SNCAIP: variants seen among roughly 807,000 people sequenced by gnomAD.
The protein encoded by SNCAIP is synphilin-1.
A neutral mutation model predicts 86.7 loss-of-function variants in SNCAIP; 43 were observed. That is an observed-to-expected ratio of 0.50 (90% CI 0.39 to 0.64). The LOEUF (loss-of-function observed/expected upper bound fraction) is 0.64. Ranked by LOEUF, SNCAIP falls within the 30% of genes least tolerant of loss-of-function variation. The pLI is 0.00. For synonymous variants in SNCAIP, 417 were observed against 427.2 expected (o/e 0.98, Z 0.29); for missense variants, 981 against 1,103.1 (o/e 0.89, Z 1.57).
At chr5:122,362,110 G>A (rs1324567522) in intron 1 of SNCAIP, among the ~76,000 whole-genome samples, 1 of 152,174 alleles carries the variant, frequency 6.6e-6, no homozygotes, top group Non-Finnish European at 1.5e-5. Flanking sequence ...AATGAGAATA[G>A]TAATTAAAAC....
chr5:122,461,550 C>G (rs1223978846), intron 10 of SNCAIP, among the ~76,000 whole-genome samples: 1 of 151,924 alleles, frequency 6.6e-6, no homozygotes, highest in Non-Finnish European at 1.5e-5. Flanking sequence ...GTTTGAATCT[C>G]TAATATATCT....
intron 3 of SNCAIP, among the ~76,000 whole-genome samples, chr5:122,416,730 A>G (rs915315615): frequency 6.6e-6 from 1 of 152,206 alleles, no homozygotes; most frequent in Non-Finnish European, 1.5e-5. Context: ...TGGGTGCAGT[A>G]CAGACTTCAC....
chr5:122,430,513 A>G (rs1778200828), intron 5 of SNCAIP, among the ~76,000 whole-genome samples: 2 of 152,188 alleles, frequency 1.3e-5, no homozygotes, highest in South Asian at 4.1e-4. Context: ...TCGGATAGGT[A>G]AAGTAATTTG....
intron 1 of SNCAIP, among the ~76,000 whole-genome samples, chr5:122,324,984 T>G (rs983230534): frequency 4.6e-5 from 7 of 152,216 alleles, no homozygotes; most frequent in African/African-American, 1.7e-4. Flanking sequence ...ATTATGAGCA[T>G]GGGCTTGAAC....
intron 1 of SNCAIP, among the ~76,000 whole-genome samples, chr5:122,381,094 C>A (rs540094514): frequency 0.013 from 1,927 of 148,880 alleles, 20 homozygotes; most frequent in African/African-American, 0.046. Flanking sequence ...CCTGGGTATC[C>A]TTGTTGACTT....
Position 122,422,830 on chromosome 5 carries a change from C to T in SNCAIP, c.131-38C>T, listed in dbSNP as rs1279164508. 3.2e-6 allele frequency: 5 copies of T among 1,574,560 alleles called. No individual in the cohort carries two copies. In the East Asian group the frequency reaches 6.7e-5, roughly 21 times the overall value. ...CATAGCCAAGATGTGTTCAGCATTC[C>T]AGATTAATAGCTTTCTATTTTAATT... On this transcript the variant is annotated intron_variant, in intron 3 of 10. Coordinates refer to ENST00000261368, the MANE Select transcript of SNCAIP (RefSeq NM_005460.4).
chr5:122,313,811 A>T (rs1387149264), intron 1 of SNCAIP, among the ~76,000 whole-genome samples: 1 of 152,208 alleles, frequency 6.6e-6, no homozygotes, highest in East Asian at 1.9e-4. Context: ...TTAACTGAGG[A>T]TTACCCATAA....
intron 1 of SNCAIP, among the ~76,000 whole-genome samples, chr5:122,355,800 G>C (rs1044874963): frequency 6.6e-6 from 1 of 152,082 alleles, no homozygotes; most frequent in African/African-American, 2.4e-5. Flanking sequence ...ATGTGTACAT[G>C]CAGTGACAAC....
intron 5 of SNCAIP, among the ~76,000 whole-genome samples, chr5:122,427,118 C>T (rs1328989905): frequency 6.6e-6 from 1 of 152,136 alleles, no homozygotes; most frequent in Non-Finnish European, 1.5e-5. Context: ...AAATACAGTT[C>T]TCATTAGTCT....
At chr5:122,311,980 A>G (rs1422937225), upstream of SNCAIP, 1 of 148,174 alleles carries the variant, frequency 6.7e-6, no homozygotes, top group Non-Finnish European at 1.5e-5. Context: ...CGGCCCCGGC[A>G]GCCTCCGCAG....
chr5:122,382,080 T>C (rs1485373450), intron 1 of SNCAIP, among the ~76,000 whole-genome samples: 5 of 152,202 alleles, frequency 3.3e-5, no homozygotes, highest in South Asian at 2.1e-4. Flanking sequence ...TTAATTTGAA[T>C]GTTGGCCTTT....
chr5:122,442,666 T>C (rs2570979), intron 7 of SNCAIP, among the ~76,000 whole-genome samples: 15,932 of 152,244 alleles, frequency 0.1, 1,020 homozygotes, highest in Non-Finnish European at 0.14. Flanking sequence ...CACTCTAATA[T>C]TTAATAGTCT....
intron 3 of SNCAIP, among the ~76,000 whole-genome samples, chr5:122,420,949 C>T (rs1198544092): frequency 6.6e-6 from 1 of 152,238 alleles, no homozygotes; most frequent in African/African-American, 2.4e-5. Context: ...TGAAATTAAA[C>T]TGTAAATCCC....
At chr5:122,436,482 G>A (rs1779504039) in intron 6 of SNCAIP, 1 of 152,000 alleles carries the variant, frequency 6.6e-6, no homozygotes, top group Non-Finnish European at 1.5e-5. Context: ...AATTATTAAG[G>A]CCATAACCTA....
chr5:122,361,644 T>G (rs921370288), intron 1 of SNCAIP, among the ~76,000 whole-genome samples: 11 of 152,298 alleles, frequency 7.2e-5, no homozygotes, highest in Non-Finnish European at 1.2e-4. Flanking sequence ...GGCTGGAGAA[T>G]CAGGCCTTGC....
intron 3 of SNCAIP, among the ~76,000 whole-genome samples, chr5:122,411,815 C>T (rs536603734): frequency 1.2e-4 from 19 of 152,224 alleles, no homozygotes; most frequent in South Asian, 2.1e-4. Flanking sequence ...CCAGGGTATT[C>T]GTTTATGCAC....
intron 1 of SNCAIP, among the ~76,000 whole-genome samples, chr5:122,373,234 G>T (rs1044668429): frequency 6.6e-6 from 1 of 152,092 alleles, no homozygotes; most frequent in African/African-American, 2.4e-5. Context: ...ATTAAGTGAT[G>T]ATACCTAGGA....
At chr5:122,358,470 C>A (rs1761564005) in intron 1 of SNCAIP, among the ~76,000 whole-genome samples, 1 of 150,848 alleles carries the variant, frequency 6.6e-6, no homozygotes, top group African/African-American at 2.4e-5. Context: ...TCCTTAGAGC[C>A]TCACTCTGGG....
chr5:122,426,049 A>C (rs1777312304), intron 5 of SNCAIP, among the ~76,000 whole-genome samples: 2 of 152,208 alleles, frequency 1.3e-5, no homozygotes, highest in Admixed American at 1.3e-4. Context: ...GCTACCAAAA[A>C]CTACACAAAT....
Sources: gnomAD v4.1 joint callset for allele counts (sites outside exome capture counted in the v4.1 genomes callset) on GRCh38, gnomAD v4.1.1 for gene constraint, MANE v1.5 for transcripts, NCBI Gene and HGNC (gene_info 2026-07-23, HGNC 2026-07-21) for gene names.